The following RBFOX3 variants were observed in gnomAD, a reference collection of about 807,000 sequenced individuals.
RBFOX3 encodes RNA binding protein fox-1 homolog 3.
Under a neutral mutation model 48.7 loss-of-function variants are expected in RBFOX3, and 17 were observed. The observed-to-expected ratio is 0.35, with a 90% confidence interval of 0.24 to 0.52. RBFOX3 has a LOEUF of 0.52. Ranked by LOEUF, RBFOX3 falls within the 20% of genes least tolerant of loss-of-function variation. RBFOX3 has a pLI of 0.94. For missense variants in RBFOX3, 382 were observed against 497.5 expected, an observed-to-expected ratio of 0.77 and a Z score of 2.21; for synonymous variants, 212 against 209.5, an observed-to-expected ratio of 1.01 and a Z score of -0.10.
At chr17:79,527,043 A>G (rs1176563303) in intron 1 of RBFOX3, among the ~76,000 whole-genome samples, 1 of 149,270 alleles carries the variant, frequency 6.7e-6, no homozygotes, top group Non-Finnish European at 1.5e-5. Flanking sequence ...CTCTGCCCCC[A>G]CCCTGGGCAG....
intron 4 of RBFOX3, among the ~76,000 whole-genome samples, chr17:79,191,013 A>C (rs2054417931): frequency 6.6e-6 from 1 of 152,188 alleles, no homozygotes; most frequent in Non-Finnish European, 1.5e-5. Flanking sequence ...CTGAGGAAAC[A>C]GCATTCAGGG....
intron 1 of RBFOX3, among the ~76,000 whole-genome samples, chr17:79,525,016 C>T (rs2086612409): frequency 6.6e-6 from 1 of 152,218 alleles, no homozygotes; most frequent in Admixed American, 6.5e-5. Context: ...GAGAGCAACA[C>T]CCTGCCATGT....
chr17:79,285,890 G>T (rs2889621), intron 3 of RBFOX3, among the ~76,000 whole-genome samples: 87,701 of 151,912 alleles, frequency 0.58, 25,520 homozygotes, highest in African/African-American at 0.63. Context: ...GCCATGTTGA[G>T]CAGGCTGGTC....
chr17:79,511,197 C>T (rs915248576), intron 1 of RBFOX3, among the ~76,000 whole-genome samples: 5 of 152,258 alleles, frequency 3.3e-5, no homozygotes, highest in South Asian at 2.1e-4. Flanking sequence ...AGGGAAGAAA[C>T]GGGAAGGGAC....
chr17:79,463,819 C>T (rs375336635), intron 2 of RBFOX3, among the ~76,000 whole-genome samples: 4,816 of 150,390 alleles, frequency 0.032, 139 homozygotes, highest in East Asian at 0.12. Context: ...CCACCTCCAC[C>T]GCCATCACCA....
intron 1 of RBFOX3, among the ~76,000 whole-genome samples, chr17:79,581,606 G>A (rs1169831861): frequency 2.0e-5 from 3 of 152,258 alleles, no homozygotes; most frequent in South Asian, 2.1e-4. Context: ...TTGCCCCGAG[G>A]CTGAGGATGC....
chr17:79,145,744 C>T (rs955683461), intron 4 of RBFOX3, among the ~76,000 whole-genome samples: 6 of 152,100 alleles, frequency 3.9e-5, no homozygotes, highest in African/African-American at 1.2e-4. Context: ...CACTCAGCAC[C>T]TGGACCCACT....
intron 2 of RBFOX3, among the ~76,000 whole-genome samples, chr17:79,366,091 G>A (rs2057709207): frequency 6.6e-6 from 1 of 152,224 alleles, no homozygotes; most frequent in Non-Finnish European, 1.5e-5. Context: ...AGTCACCTTA[G>A]GGAAAGCAAG....
chr17:79,347,699 G>C (rs1465255411), intron 2 of RBFOX3, among the ~76,000 whole-genome samples: 3 of 151,718 alleles, frequency 2.0e-5, no homozygotes, highest in African/African-American at 7.3e-5. Flanking sequence ...ATTTCTACTC[G>C]GTTCCTTTGT....
At chr17:79,592,792 G>A (rs1479570352) in intron 1 of RBFOX3, among the ~76,000 whole-genome samples, 1 of 152,202 alleles carries the variant, frequency 6.6e-6, no homozygotes, top group Non-Finnish European at 1.5e-5. Context: ...GCCCTTGACA[G>A]GGAAATGTAC....
At chr17:79,386,262 G>A (rs1235317547) in intron 2 of RBFOX3, among the ~76,000 whole-genome samples, 5 of 147,430 alleles carry the variant, frequency 3.4e-5, no homozygotes, top group East Asian at 4.1e-4. Flanking sequence ...CACACCAGAC[G>A]GGGGCTCCAT....
intron 2 of RBFOX3, among the ~76,000 whole-genome samples, chr17:79,333,212 C>T (rs2080679394): frequency 6.6e-6 from 1 of 152,158 alleles, no homozygotes; most frequent in African/African-American, 2.4e-5. Flanking sequence ...ACGCAGCAGA[C>T]CAGCTCACAG....
chr17:79,134,895 G>A (rs956036060), intron 4 of RBFOX3: 1 of 152,266 alleles, frequency 6.6e-6, no homozygotes, highest in Non-Finnish European at 1.5e-5. Context: ...GCTGGCTTCT[G>A]AGTCCATGGG....
chr17:79,269,701 G>C (rs1192954571), intron 3 of RBFOX3, among the ~76,000 whole-genome samples: 1 of 151,974 alleles, frequency 6.6e-6, no homozygotes, highest in Non-Finnish European at 1.5e-5. Flanking sequence ...TCCTGGCGGG[G>C]CCTGGGTCTT....
At chr17:79,399,859 G>C (rs2062565064) in intron 2 of RBFOX3, among the ~76,000 whole-genome samples, 1 of 152,260 alleles carries the variant, frequency 6.6e-6, no homozygotes, top group Admixed American at 6.5e-5. Context: ...TTCTCTCCAA[G>C]TGAACGTTGT....
At chr17:79,248,138 G>A (rs956186433) in intron 3 of RBFOX3, among the ~76,000 whole-genome samples, 3 of 152,238 alleles carry the variant, frequency 2.0e-5, no homozygotes, top group Non-Finnish European at 4.4e-5. Context: ...TACCTCCGGG[G>A]CACAGGAGAG....
chr17:79,578,493 C>G (rs961025548), intron 1 of RBFOX3, among the ~76,000 whole-genome samples: 3 of 152,260 alleles, frequency 2.0e-5, no homozygotes, highest in Non-Finnish European at 2.9e-5. Flanking sequence ...ACCCACTCAA[C>G]CCCTGATGGG....
At position 79,090,765 on chromosome 17, in the gene RBFOX3, G is replaced by A; in HGVS notation, c.*118C>T. On this transcript the variant is annotated 3_prime_UTR_variant, in exon 15 of 15. Transcript: ENST00000693108. ...ACTTGGTTGGATGCCTCTTGGTTTG[G>A]TTGGTTTTTTTTTTGTTGCTTGGAT... 1 of 1,275,206 alleles carries A rather than the reference G, an allele frequency of 7.8e-7. No individual in the cohort carries two copies. Among genetic ancestry groups the A allele is most frequent in the Non-Finnish European group, 1.1e-6 (1 of 940,702 alleles). The allele number at this position is 1,275,206 out of a possible 1,614,324, so 79.0% of individuals were successfully genotyped here.
At chr17:79,562,267 C>T (rs1361021885) in intron 1 of RBFOX3, among the ~76,000 whole-genome samples, 1 of 152,186 alleles carries the variant, frequency 6.6e-6, no homozygotes, top group Non-Finnish European at 1.5e-5. Flanking sequence ...CCCGAGTCGG[C>T]GGCTTCCCCA....
Sources: allele counts gnomAD v4.1 joint callset (sites outside exome capture counted in the v4.1 genomes callset), GRCh38; gene constraint gnomAD v4.1.1; transcripts MANE v1.5; gene names NCBI Gene and HGNC (gene_info 2026-07-23, HGNC 2026-07-21).